Variants in TMEM178B observed in about 807,000 individuals in gnomAD.
TMEM178B encodes the protein transmembrane protein 178B.
TMEM178B carries 5 observed loss-of-function variants against 31.0 expected under a neutral mutation model. That is an observed-to-expected ratio of 0.16 (90% CI 0.08 to 0.34). The LOEUF is 0.34. Among genes scored for constraint, TMEM178B ranks in the 10% least tolerant of loss-of-function variants. The pLI is 1.00. For synonymous variants in TMEM178B, 164 were observed against 164.0 expected (o/e 1.00, Z 0.00); for missense variants, 275 against 400.3 (o/e 0.69, Z 2.67).
intron 1 of TMEM178B, among the ~76,000 whole-genome samples, chr7:141,161,014 T>G (rs925229571): frequency 6.6e-6 from 1 of 152,014 alleles, no homozygotes; most frequent in Non-Finnish European, 1.5e-5. Context: ...TGCACCACCA[T>G]GCCTGGCTAA....
Position 141,470,814 on chromosome 7 carries a change from A to G in TMEM178B, c.*28A>G, listed in dbSNP as rs187206014. ...AACAAACCCATACATACATATATAT[A>G]TATAAATATATATATATAATATACA... On this transcript the variant is annotated 3_prime_UTR_variant, in exon 4 of 4. Coordinates refer to ENST00000565468, the MANE Select transcript of TMEM178B (RefSeq NM_001195278.2). 9.1e-4 allele frequency: 915 copies of G among 1,001,358 alleles called. 1 individual carries two copies. Among genetic ancestry groups the G allele is most frequent in the Non-Finnish European group, 1.1e-3 (872 of 803,078 alleles). The allele number at this position is 1,001,358 out of a possible 1,614,324, so 62.0% of individuals were successfully genotyped here. A position where few individuals can be genotyped will look rare whatever the true frequency, so the allele number is the denominator to read the frequency against.
In TMEM178B at chr7:141,438,763, C is replaced by A. The variant is rs1026447837; in HGVS notation, c.634+1018C>A. Among the ~76,000 whole-genome samples, 48 of 145,114 alleles carry A rather than the reference C, an allele frequency of 3.3e-4. 1 individual carries two copies. Among genetic ancestry groups the A allele is most frequent in the African/African-American group, 1.2e-3 (47 of 39,400 alleles). On this transcript the variant is annotated intron_variant, in intron 3 of 3. Coordinates refer to ENST00000565468, the MANE Select transcript of TMEM178B (RefSeq NM_001195278.2). ...TGGTAGCGCGTGCCTGTAGTCCCAG[C>A]CACTTGGGAGGCTGAGGCAGGAGAA...
chr7:141,459,218 AG>A (rs1156680709), intron 3 of TMEM178B, among the ~76,000 whole-genome samples: 2 of 152,150 alleles, frequency 1.3e-5, no homozygotes, highest in Non-Finnish European at 2.9e-5. Context: ...TAGTAGAGAC[AG>A]GGTTTCTTCA....
At chr7:141,451,428 T>A (rs544907815) in intron 3 of TMEM178B, among the ~76,000 whole-genome samples, 2 of 152,226 alleles carry the variant, frequency 1.3e-5, no homozygotes, top group African/African-American at 4.8e-5. Flanking sequence ...GCTTAGAGTT[T>A]AAGTACCTTG....
At chr7:141,305,007 G>A (rs1368977752) in intron 2 of TMEM178B, among the ~76,000 whole-genome samples, 1 of 152,134 alleles carries the variant, frequency 6.6e-6, no homozygotes, top group Non-Finnish European at 1.5e-5. Context: ...AACTTTTCTG[G>A]TGTCTCTACC....
rs1363202844 is a variant in TMEM178B, at chr7:141,405,131, C to T, written c.497-32477C>T. ...TAACCTGTATCTGTGACCCTCCCCT[C>T]TCCTACTTGAACCACAGCCAGACGT... On this transcript the variant is annotated intron_variant, in intron 2 of 3. Transcript: ENST00000565468. Among the ~76,000 whole-genome samples the T allele has an allele frequency of 3.3e-5, 5 of 152,368 alleles. No homozygotes were observed. The East Asian group carries it at 9.6e-4, about 29-fold the overall frequency.
At chr7:141,409,650 C>T (rs1800945299) in intron 2 of TMEM178B, among the ~76,000 whole-genome samples, 1 of 151,884 alleles carries the variant, frequency 6.6e-6, no homozygotes, top group African/African-American at 2.4e-5. Flanking sequence ...CTGTAATTAG[C>T]CTGCTTTCTT....
Position 141,401,221 on chromosome 7 carries a change from A to G in TMEM178B, c.497-36387A>G, listed in dbSNP as rs189361518. Among the ~76,000 whole-genome samples, 16 of 152,362 alleles carry G rather than the reference A, an allele frequency of 1.1e-4. No homozygotes were observed. In the East Asian group the frequency reaches 3.1e-3, roughly 29 times the overall value. On this transcript the variant is annotated intron_variant, in intron 2 of 3. Transcript: ENST00000565468. The stretch of plus-strand genomic sequence containing the variant: ...AATATATTCAATTCATGAATGAATG[A>G]GGGAACCCACTAAGATGGTAAAAAA...
rs1802442310 is a variant in TMEM178B at position 141,479,845 on chromosome 7, C to T, written c.*9059C>T. 1 of 152,156 alleles carries T rather than the reference C, an allele frequency of 6.6e-6. No homozygotes were observed. Among genetic ancestry groups the T allele is most frequent in the Non-Finnish European group, 1.5e-5 (1 of 68,030 alleles). 9.4% of individuals were successfully genotyped at this position (152,156 alleles called of 1,614,324 possible). On this transcript the variant is annotated 3_prime_UTR_variant, in exon 4 of 4. Transcript: ENST00000565468. ...TTGGTCAGACAAGGAGTGGTGTGTA[C>T]TGCAGGATTCTAACAATGCCTCTGC...
intron 2 of TMEM178B, among the ~76,000 whole-genome samples, chr7:141,347,119 C>T (rs1017725923): frequency 2.0e-5 from 3 of 152,158 alleles, no homozygotes; most frequent in African/African-American, 4.8e-5. Context: ...ATCATGATTC[C>T]TGGTAAGTCT....
Position 141,470,918 on chromosome 7 carries a change from C to T in TMEM178B, c.*132C>T, listed in dbSNP as rs1194120549. On this transcript the variant is annotated 3_prime_UTR_variant, in exon 4 of 4. Transcript: ENST00000565468. ...TGAGTTGGCTCAGGCACCTGCATCT[C>T]GCCGGACTTTGTGTTGCCTCATCTC... 11 of 451,792 alleles carry T rather than the reference C, an allele frequency of 2.4e-5. No homozygotes were observed. The highest frequency in any genetic ancestry group is 3.0e-5 in the Non-Finnish European group (10 of 331,062). The allele number at this position is 451,792 out of a possible 1,614,324, so 28.0% of individuals were successfully genotyped here.
chr7:141,187,434 T>G (rs1275772113), intron 1 of TMEM178B, among the ~76,000 whole-genome samples: 2 of 152,168 alleles, frequency 1.3e-5, no homozygotes, highest in African/African-American at 4.8e-5. Flanking sequence ...CAGCATGATT[T>G]ATAATCCTTT....
chr7:141,399,235 T>C (rs1179949563), intron 2 of TMEM178B, among the ~76,000 whole-genome samples: 3 of 152,204 alleles, frequency 2.0e-5, no homozygotes, highest in African/African-American at 4.8e-5. Flanking sequence ...CACAGGCCAG[T>C]TGAAGTGCTT....
At chr7:141,378,187 A>G (rs1800253016) in intron 2 of TMEM178B, among the ~76,000 whole-genome samples, 1 of 152,144 alleles carries the variant, frequency 6.6e-6, no homozygotes, top group East Asian at 1.9e-4. Flanking sequence ...TCTCATAGTT[A>G]GACCGGGGTT....
chr7:141,143,708 T>G (rs1402782868), intron 1 of TMEM178B, among the ~76,000 whole-genome samples: 4 of 152,228 alleles, frequency 2.6e-5, no homozygotes, highest in South Asian at 2.1e-4. Flanking sequence ...TACTTTTTTT[T>G]GGGTCCATAT....
chr7:141,160,352 A>G lies in TMEM178B; in HGVS notation c.383-52239A>G, dbSNP rs183169018. On this transcript the variant is annotated intron_variant, in intron 1 of 3. Transcript: ENST00000565468. ...ACAGTGATACCCCGGCACCAGCTTC[A>G]CTTCTCCTTGAAGGCTCCGAGCTCA... is the stretch of plus-strand genomic sequence containing the variant. 6.1e-4 allele frequency among the ~76,000 whole-genome samples: 93 copies of G among 152,102 alleles called. No homozygotes were observed. The East Asian group carries it at 7.0e-3, about 11-fold the overall frequency.
intron 1 of TMEM178B, among the ~76,000 whole-genome samples, chr7:141,163,234 A>G (rs1796205075): frequency 6.6e-6 from 1 of 152,222 alleles, no homozygotes; most frequent in African/African-American, 2.4e-5. Context: ...AAGCTAGCCA[A>G]AGCATGTAAT....
intron 2 of TMEM178B, among the ~76,000 whole-genome samples, chr7:141,337,212 T>TCAC (rs879879615): frequency 4.9e-4 from 9 of 18,506 alleles, no homozygotes; most frequent in Non-Finnish European, 8.8e-4. Context: ...ACCACCACCA[T>TCAC]CACCACCACC....
At chr7:141,240,904 C>T (rs1353856734) in intron 2 of TMEM178B, among the ~76,000 whole-genome samples, 3 of 151,816 alleles carry the variant, frequency 2.0e-5, no homozygotes, top group African/African-American at 7.3e-5. Context: ...GGTTGCACTT[C>T]TGGACTTCCT....
Sources: allele counts gnomAD v4.1 joint callset (sites outside exome capture counted in the v4.1 genomes callset), GRCh38; gene constraint gnomAD v4.1.1; transcripts MANE v1.5; gene names NCBI Gene and HGNC (gene_info 2026-07-23, HGNC 2026-07-21).